CNBD1: variants seen among roughly 807,000 people sequenced by gnomAD.
The protein encoded by CNBD1 is cyclic nucleotide-binding domain-containing protein 1.
A neutral mutation model predicts 54.4 loss-of-function variants in CNBD1; 71 were observed. That is an observed-to-expected ratio of 1.30 (90% CI 1.08 to 1.59). The LOEUF is 1.59. Ranked by LOEUF, CNBD1 falls within the 40% of genes most tolerant of loss-of-function variation. The pLI is 0.00. For synonymous variants in CNBD1, 182 were observed against 170.7 expected (o/e 1.07, Z -0.51); for missense variants, 659 against 518.0 (o/e 1.27, Z -2.64).
At chr8:86,950,262 G>C (rs1414245382) in intron 4 of CNBD1, among the ~76,000 whole-genome samples, 1 of 151,436 alleles carries the variant, frequency 6.6e-6, no homozygotes, top group Non-Finnish European at 1.5e-5. Context: ...TTTCACCATT[G>C]GTTTCACCAT....
chr8:87,335,093 T>C (rs1429180392), intron 8 of CNBD1, among the ~76,000 whole-genome samples: 1 of 152,158 alleles, frequency 6.6e-6, no homozygotes, highest in Non-Finnish European at 1.5e-5. Flanking sequence ...TTCAGTTCTT[T>C]TGCATTTGCT....
chr8:87,320,763 A>G (rs531311276), intron 8 of CNBD1, among the ~76,000 whole-genome samples: 20 of 152,242 alleles, frequency 1.3e-4, no homozygotes, highest in Non-Finnish European at 2.6e-4. Context: ...TTATGTGCAC[A>G]TTACAGCATT....
intron 5 of CNBD1, among the ~76,000 whole-genome samples, chr8:87,220,907 G>T (rs1814319681): frequency 6.6e-6 from 1 of 152,020 alleles, no homozygotes; most frequent in Non-Finnish European, 1.5e-5. Flanking sequence ...TCATCCCAGT[G>T]TTACATGAGA....
intron 4 of CNBD1, among the ~76,000 whole-genome samples, chr8:86,956,738 A>T (rs919786167): frequency 6.6e-6 from 1 of 152,164 alleles, no homozygotes; most frequent in African/African-American, 2.4e-5. Context: ...GGCTGAGATG[A>T]TGGGTTTTTA....
chr8:87,240,895 G>C (rs1807684427), intron 6 of CNBD1, among the ~76,000 whole-genome samples: 1 of 151,906 alleles, frequency 6.6e-6, no homozygotes, highest in South Asian at 2.1e-4. Flanking sequence ...CGCTTTTTAG[G>C]GTCAAAATTC....
intron 4 of CNBD1, among the ~76,000 whole-genome samples, chr8:86,968,935 C>T (rs1227961554): frequency 6.6e-6 from 1 of 152,160 alleles, no homozygotes; most frequent in Non-Finnish European, 1.5e-5. Context: ...AGGTGAAATT[C>T]AGCAGAACTG....
In CNBD1 at chr8:87,408,444, A is replaced by C. The variant is rs182527660; in HGVS notation, c.214-20102A>C. On this transcript the variant is annotated intron_variant, in intron 2 of 7. Transcript: ENST00000521593. ...ATAATATTTAATTTTTTAAACTAAC[A>C]AGTGAAATAACAGAATTCCAACTCA... Among the ~76,000 whole-genome samples, 522 of 152,100 alleles carry C rather than the reference A, an allele frequency of 3.4e-3. 4 individuals are homozygous for C. The highest frequency in any genetic ancestry group is 0.012 in the African/African-American group (507 of 41,516).
chr8:86,946,795 A>T (rs1426026869), intron 4 of CNBD1, among the ~76,000 whole-genome samples: 2 of 152,180 alleles, frequency 1.3e-5, no homozygotes, highest in Non-Finnish European at 2.9e-5. Context: ...TGATTTCATT[A>T]AAAGATTTAA....
chr8:86,964,213 C>T (rs983940514), intron 4 of CNBD1, among the ~76,000 whole-genome samples: 4 of 5,276 alleles, frequency 7.6e-4, no homozygotes, highest in African/African-American at 2.0e-3. Flanking sequence ...CCTGGTCTAC[C>T]ATGGATAGCC....
chr8:87,310,581 C>A (rs1017563254), intron 8 of CNBD1, among the ~76,000 whole-genome samples: 2 of 152,066 alleles, frequency 1.3e-5, no homozygotes, highest in African/African-American at 4.8e-5. Context: ...AGTTTTAACA[C>A]TATTTCTATC....
At chr8:87,116,487 T>G (rs983394747) in intron 4 of CNBD1, among the ~76,000 whole-genome samples, 4 of 152,192 alleles carry the variant, frequency 2.6e-5, no homozygotes, top group Admixed American at 2.0e-4. Context: ...GTGTTGGGAT[T>G]ACAGGCATAA....
chr8:87,081,436 A>G (rs1810988217), intron 4 of CNBD1, among the ~76,000 whole-genome samples: 1 of 151,626 alleles, frequency 6.6e-6, no homozygotes, highest in Non-Finnish European at 1.5e-5. Flanking sequence ...ATCTTAGTGA[A>G]TGTACCATGT....
At chr8:86,876,883 G>A (rs941495079) in intron 1 of CNBD1, among the ~76,000 whole-genome samples, 1 of 151,826 alleles carries the variant, frequency 6.6e-6, no homozygotes, top group Admixed American at 6.6e-5. Flanking sequence ...GGAAGTTATT[G>A]GGGTTTATTT....
chr8:86,890,105 C>T (rs1403283505), intron 2 of CNBD1, among the ~76,000 whole-genome samples: 2 of 151,986 alleles, frequency 1.3e-5, no homozygotes, highest in Non-Finnish European at 2.9e-5. Flanking sequence ...TGTGATGAGA[C>T]ATTTGAAATT....
intron 8 of CNBD1, 28 bp downstream of exon 8, chr8:87,286,699 T>C: frequency 2.0e-6 from 3 of 1,491,650 alleles, no homozygotes; most frequent in Admixed American, 2.1e-5. Flanking sequence ...TAGATCATTT[T>C]GTTTGCATTC....
chr8:87,188,932 GATAA>G (rs1443413762), intron 4 of CNBD1, among the ~76,000 whole-genome samples: 5 of 149,238 alleles, frequency 3.4e-5, no homozygotes, highest in South Asian at 2.1e-4. Flanking sequence ...ACAAGAAAAA[GATAA>G]ATAGTGTGAT....
At chr8:86,930,233 G>C (rs2130401558) in intron 3 of CNBD1, among the ~76,000 whole-genome samples, 1 of 152,326 alleles carries the variant, frequency 6.6e-6, no homozygotes, top group African/African-American at 2.4e-5. Context: ...TTTGTTCTTT[G>C]CTGAGGTCTC....
chr8:87,228,281 T>C (rs1362296514), intron 5 of CNBD1, among the ~76,000 whole-genome samples: 2 of 151,510 alleles, frequency 1.3e-5, no homozygotes, highest in African/African-American at 4.9e-5. Flanking sequence ...CCGTTGCTGG[T>C]GATGAGCTGC....
At chr8:87,142,739 G>A (rs1812396142) in intron 4 of CNBD1, among the ~76,000 whole-genome samples, 1 of 152,048 alleles carries the variant, frequency 6.6e-6, no homozygotes, top group South Asian at 2.1e-4. Flanking sequence ...AAGAACTTTA[G>A]ATTAAAAATG....
Sources: gnomAD v4.1 joint callset for allele counts (sites outside exome capture counted in the v4.1 genomes callset) on GRCh38, gnomAD v4.1.1 for gene constraint, MANE v1.5 for transcripts, NCBI Gene and HGNC (gene_info 2026-07-23, HGNC 2026-07-21) for gene names.